The following ASTN2 variants were observed in gnomAD, a reference collection of about 807,000 sequenced individuals.
ASTN2 encodes astrotactin-2.
In ASTN2, 54 loss-of-function variants were observed where a neutral mutation model predicts 139.8. That is an observed-to-expected ratio of 0.39 (90% CI 0.31 to 0.48). The LOEUF (loss-of-function observed/expected upper bound fraction) is 0.48. ASTN2 is among the 20% of genes least tolerant of loss of function. ASTN2 has a pLI of 0.95. For missense variants in ASTN2, 1,565 were observed against 1,725.1 expected (o/e 0.91, Z 1.64); for synonymous variants, 756 against 719.5 (o/e 1.05, Z -0.81).
intron 10 of ASTN2, among the ~76,000 whole-genome samples, chr9:116,973,522 T>C (rs575920154): frequency 9.2e-5 from 14 of 152,324 alleles, no homozygotes; most frequent in African/African-American, 3.1e-4. Context: ...TGAATCTTCA[T>C]TGAAATCATG....
chr9:117,284,418 T>C (rs890651530), intron 2 of ASTN2, among the ~76,000 whole-genome samples: 4 of 152,040 alleles, frequency 2.6e-5, no homozygotes, highest in Non-Finnish European at 5.9e-5. Flanking sequence ...GGTGTCCTCA[T>C]AAAAGGGGGA....
At chr9:116,555,674 G>A (rs1018891564) in intron 19 of ASTN2, among the ~76,000 whole-genome samples, 8 of 152,122 alleles carry the variant, frequency 5.3e-5, no homozygotes, top group African/African-American at 1.9e-4. Context: ...AGGAAAGGAT[G>A]ATGGATTTTT....
chr9:116,575,720 G>A (rs1167414367), intron 19 of ASTN2, among the ~76,000 whole-genome samples: 1 of 152,160 alleles, frequency 6.6e-6, no homozygotes, highest in Non-Finnish European at 1.5e-5. Flanking sequence ...AGTCCCAAAA[G>A]CAAGTTCCTT....
chr9:117,355,319 G>A (rs1829509108), intron 1 of ASTN2, among the ~76,000 whole-genome samples: 1 of 152,212 alleles, frequency 6.6e-6, no homozygotes, highest in African/African-American at 2.4e-5. Flanking sequence ...TCAGACTGAA[G>A]AGGCTGCTGC....
intron 13 of ASTN2, among the ~76,000 whole-genome samples, chr9:116,775,363 C>T (rs950091220): frequency 1.3e-5 from 2 of 151,314 alleles, no homozygotes; most frequent in Non-Finnish European, 2.9e-5. Context: ...TAGACCAGCC[C>T]ATCTTTTCTC....
chr9:116,652,852 T>A (rs1857996701), intron 16 of ASTN2, among the ~76,000 whole-genome samples: 1 of 152,186 alleles, frequency 6.6e-6, no homozygotes, highest in African/African-American at 2.4e-5. Context: ...TTATGTGCCA[T>A]CTCTCTTGAT....
chr9:116,811,470 AT>A (rs1831166041), intron 12 of ASTN2, among the ~76,000 whole-genome samples: 1 of 152,170 alleles, frequency 6.6e-6, no homozygotes, highest in African/African-American at 2.4e-5. Context: ...ATATTACTGC[AT>A]TTTTAGACTA....
intron 17 of ASTN2, among the ~76,000 whole-genome samples, chr9:116,628,019 G>T (rs1300500813): frequency 1.3e-5 from 2 of 152,124 alleles, no homozygotes; most frequent in African/African-American, 4.8e-5. Context: ...GCTTAAACCA[G>T]GAAATCTATG....
chr9:117,044,038 G>C (rs1281655126), intron 5 of ASTN2, among the ~76,000 whole-genome samples: 1 of 152,116 alleles, frequency 6.6e-6, no homozygotes, highest in Non-Finnish European at 1.5e-5. Context: ...AGCCATCAGG[G>C]GTGTTGTAAG....
chr9:117,245,282 A>G (rs1052232145), intron 2 of ASTN2, among the ~76,000 whole-genome samples: 2 of 152,206 alleles, frequency 1.3e-5, no homozygotes, highest in Non-Finnish European at 2.9e-5. Context: ...ATTAGTCGGA[A>G]TATTTGGGTG....
At chr9:117,249,031 G>A (rs1833464275) in intron 2 of ASTN2, among the ~76,000 whole-genome samples, 1 of 152,212 alleles carries the variant, frequency 6.6e-6, no homozygotes, top group Admixed American at 6.5e-5. Context: ...CATGTGACAA[G>A]TCTTGCTTTC....
chr9:117,099,739 T>C (rs1828928664), intron 4 of ASTN2, among the ~76,000 whole-genome samples: 1 of 152,206 alleles, frequency 6.6e-6, no homozygotes, highest in East Asian at 1.9e-4. Context: ...CGATTCAAAT[T>C]CAGACAGTGG....
At chr9:117,393,032 G>A (rs574150626) in intron 1 of ASTN2, among the ~76,000 whole-genome samples, 1 of 152,178 alleles carries the variant, frequency 6.6e-6, no homozygotes, top group African/African-American at 2.4e-5. Flanking sequence ...TTGGTAACAG[G>A]AGTAGACAAA....
chr9:116,573,243 T>A (rs1296971258), intron 19 of ASTN2, among the ~76,000 whole-genome samples: 1 of 152,230 alleles, frequency 6.6e-6, no homozygotes, highest in Admixed American at 6.5e-5. Flanking sequence ...GGCTATTCTT[T>A]AACTCAGGAT....
intron 4 of ASTN2, among the ~76,000 whole-genome samples, chr9:117,119,990 ATGTG>A (rs752111718): frequency 6.4e-4 from 47 of 73,224 alleles, no homozygotes; most frequent in African/African-American, 2.5e-3. Context: ...ATATATTTGT[ATGTG>A]TGTGTGTGTG....
chr9:116,867,957 G>C (rs1833060636), intron 10 of ASTN2, among the ~76,000 whole-genome samples: 2 of 152,166 alleles, frequency 1.3e-5, no homozygotes, highest in African/African-American at 4.8e-5. Flanking sequence ...TCTCACTTGC[G>C]GAGCCCAGGG....
At chr9:116,732,975 A>C (rs1828829235) in intron 14 of ASTN2, among the ~76,000 whole-genome samples, 1 of 152,210 alleles carries the variant, frequency 6.6e-6, no homozygotes, top group Non-Finnish European at 1.5e-5. Flanking sequence ...GAGTGCTTTC[A>C]AGTAGGAGGG....
chr9:117,100,745 T>C (rs1022498321), intron 4 of ASTN2, among the ~76,000 whole-genome samples: 1 of 152,180 alleles, frequency 6.6e-6, no homozygotes, highest in African/African-American at 2.4e-5. Flanking sequence ...AAAAAACAAT[T>C]TGGATTTTTG....
intron 1 of ASTN2, among the ~76,000 whole-genome samples, chr9:117,352,182 A>C (rs938970099): frequency 5.3e-5 from 8 of 152,094 alleles, no homozygotes; most frequent in Non-Finnish European, 8.8e-5. Flanking sequence ...GAAAACAATT[A>C]CTCTCTCATG....
Sources: allele counts gnomAD v4.1 joint callset (sites outside exome capture counted in the v4.1 genomes callset), GRCh38; gene constraint gnomAD v4.1.1; transcripts MANE v1.5; gene names NCBI Gene and HGNC (gene_info 2026-07-23, HGNC 2026-07-21).